AFF2: variants seen among roughly 807,000 people sequenced by gnomAD.
The protein encoded by AFF2 is AF4/FMR2 family member 2.
In AFF2, 14 loss-of-function variants were observed where a neutral mutation model predicts 76.9. The observed-to-expected ratio is 0.18, with a 90% confidence interval of 0.12 to 0.28. AFF2 has a LOEUF of 0.28. Among genes scored for constraint, AFF2 ranks in the 10% least tolerant of loss-of-function variants. AFF2 has a pLI of 1.00. For synonymous variants in AFF2, 398 were observed against 366.7 expected (o/e 1.09, Z -0.98); for missense variants, 868 against 1,001.1 (o/e 0.87, Z 1.79).
At position 148,573,434 on chromosome X, in the gene AFF2, C is replaced by T. The variant is rs782097974; in HGVS notation, c.47+72290C>T. Among the ~76,000 whole-genome samples, 4 of 111,089 alleles carry T rather than the reference C, an allele frequency of 3.6e-5. No homozygotes were observed. The East Asian group carries it at 1.1e-3, about 32-fold the overall frequency. ...GAACTTCTAGACCAACGTATAGTTT[C>T]CGGATATTGTGAGTGTCTGTGGAAT... On this transcript the variant is annotated intron_variant, in intron 1 of 20. Transcript: ENST00000370460.
At chrX:148,616,260 A>G (rs1237673167) in intron 1 of AFF2, among the ~76,000 whole-genome samples, 2 of 111,892 alleles carry the variant, frequency 1.8e-5, no homozygotes, top group Non-Finnish European at 3.8e-5. Context: ...TACTAGCCGT[A>G]TGATCTTGGG....
At chrX:148,723,640 C>T (rs1397154846) in intron 3 of AFF2, among the ~76,000 whole-genome samples, 1 of 112,021 alleles carries the variant, frequency 8.9e-6, no homozygotes, top group Non-Finnish European at 1.9e-5. Context: ...AGTTAATCTT[C>T]CAGTGTCAGC....
intron 1 of AFF2, among the ~76,000 whole-genome samples, chrX:148,579,024 A>G (rs1346941251): frequency 9.0e-6 from 1 of 111,703 alleles, no homozygotes; most frequent in African/African-American, 3.3e-5. Context: ...TTTTGTTTCT[A>G]GGCTACACGT....
At chrX:148,920,025 G>A (rs1471705961) in intron 9 of AFF2, among the ~76,000 whole-genome samples, 1 of 111,937 alleles carries the variant, frequency 8.9e-6, no homozygotes. Context: ...CAAAACTATA[G>A]TCAATCACAC....
intron 1 of AFF2, among the ~76,000 whole-genome samples, chrX:148,506,279 A>T (rs2052415971): frequency 8.9e-6 from 1 of 111,793 alleles, no homozygotes; most frequent in African/African-American, 3.3e-5. Context: ...GCTCTTCCAC[A>T]TGCTATCTCA....
At chrX:148,554,902 T>C (rs1051622272) in intron 1 of AFF2, among the ~76,000 whole-genome samples, 10 of 112,527 alleles carry the variant, frequency 8.9e-5, no homozygotes, top group African/African-American at 2.9e-4. Context: ...AGTCTGGCTA[T>C]TCCAGGCTCC....
intron 16 of AFF2, among the ~76,000 whole-genome samples, chrX:148,974,385 T>C (rs2072296150): frequency 9.0e-6 from 1 of 111,634 alleles, no homozygotes; most frequent in East Asian, 2.8e-4. Flanking sequence ...GTTCACTAGA[T>C]GGACTAAATA....
intron 3 of AFF2, among the ~76,000 whole-genome samples, chrX:148,677,637 T>C (rs1020559477): frequency 8.9e-6 from 1 of 112,771 alleles, no homozygotes; most frequent in South Asian, 3.6e-4. Context: ...CAGTTGAATT[T>C]ATCTTGTACT....
At chrX:148,950,515 T>G (rs919866994) in intron 9 of AFF2, among the ~76,000 whole-genome samples, 3 of 112,180 alleles carry the variant, frequency 2.7e-5, no homozygotes, top group African/African-American at 9.7e-5. Flanking sequence ...GTTCTCATGG[T>G]GTCCTCCCTG....
intron 4 of AFF2, among the ~76,000 whole-genome samples, chrX:148,835,865 A>G (rs1347043698): frequency 3.6e-5 from 4 of 110,999 alleles, no homozygotes; most frequent in African/African-American, 1.3e-4. Flanking sequence ...ATTAATAACT[A>G]TAGTCACCAT....
intron 3 of AFF2, among the ~76,000 whole-genome samples, chrX:148,701,802 CT>C (rs1187800457): frequency 1.8e-5 from 2 of 111,644 alleles, no homozygotes; most frequent in Non-Finnish European, 3.8e-5. Flanking sequence ...CTGTAACTTA[CT>C]GTGAAATTTG....
chrX:148,602,651 G>C (rs940178578), intron 1 of AFF2, among the ~76,000 whole-genome samples: 1 of 110,630 alleles, frequency 9.0e-6, no homozygotes, highest in Non-Finnish European at 1.9e-5. Flanking sequence ...AATGACTTGA[G>C]AGTGATTGTT....
At position 148,998,045 on chromosome X, in the gene AFF2, C is replaced by T. The variant is rs1330553393; in HGVS notation, c.*6713C>T. On this transcript the variant is annotated 3_prime_UTR_variant, in exon 21 of 21. Transcript: ENST00000370460. ...GAGTAGTGCTTCTGAAGATTGTTTG[C>T]TGTAGTGTTGTCTTTGATAAAATGA... 1 of 112,120 alleles carries T rather than the reference C, an allele frequency of 8.9e-6. No homozygotes were observed. The highest frequency in any genetic ancestry group is 1.9e-5 in the Non-Finnish European group (1 of 53,247). The allele number at this position is 112,120 out of a possible 1,213,427, so 9.2% of individuals were successfully genotyped here. A position where few individuals can be genotyped will look rare whatever the true frequency, so the allele number is the denominator to read the frequency against.
intron 3 of AFF2, among the ~76,000 whole-genome samples, chrX:148,739,858 C>G (rs1438148249): frequency 9.0e-6 from 1 of 111,592 alleles, no homozygotes; most frequent in East Asian, 2.8e-4. Context: ...GGCGAATTCT[C>G]TCAGCATTTG....
chrX:148,634,484 T>G (rs1412476780), intron 1 of AFF2, among the ~76,000 whole-genome samples: 2 of 111,750 alleles, frequency 1.8e-5, no homozygotes, highest in Non-Finnish European at 3.8e-5. Context: ...GTCAGACTCT[T>G]AAGCTACTTG....
At chrX:148,614,492 G>T (rs2053764411) in intron 1 of AFF2, among the ~76,000 whole-genome samples, 1 of 111,008 alleles carries the variant, frequency 9.0e-6, no homozygotes, top group Admixed American at 9.5e-5. Flanking sequence ...TAGCCAGCAG[G>T]ATTTGGAAAG....
intron 7 of AFF2, among the ~76,000 whole-genome samples, chrX:148,862,273 C>T (rs1285930437): frequency 9.0e-6 from 1 of 111,023 alleles, no homozygotes; most frequent in Non-Finnish European, 1.9e-5. Flanking sequence ...CAAATCTAAG[C>T]ATGTGGATCG....
chrX:148,703,908 G>A (rs1214799672), intron 3 of AFF2, among the ~76,000 whole-genome samples: 3 of 108,967 alleles, frequency 2.8e-5, no homozygotes, highest in South Asian at 7.6e-4. Flanking sequence ...CTTTTTTATT[G>A]AGACAGGATC....
At chrX:148,556,036 TAG>T (rs2053048864) in intron 1 of AFF2, among the ~76,000 whole-genome samples, 1 of 111,799 alleles carries the variant, frequency 8.9e-6, no homozygotes, top group African/African-American at 3.3e-5. Flanking sequence ...GGTGTGTGTG[TAG>T]GAGGCTACAT....
Sources: allele counts gnomAD v4.1 joint callset (sites outside exome capture counted in the v4.1 genomes callset), GRCh38; gene constraint gnomAD v4.1.1; transcripts MANE v1.5; gene names NCBI Gene and HGNC (gene_info 2026-07-23, HGNC 2026-07-21).